Variants in PARD3B observed in about 807,000 individuals in gnomAD.
The protein encoded by PARD3B is par-3 family cell polarity regulator beta.
In PARD3B, 103 loss-of-function variants were observed where a neutral mutation model predicts 130.2. The observed-to-expected ratio is 0.79, with a 90% CI of 0.67 to 0.93. The LOEUF is 0.93. Among genes scored for constraint, PARD3B ranks in the 40% least tolerant of loss-of-function variants. PARD3B has a pLI of 0.00. For synonymous variants in PARD3B, 583 were observed against 553.2 expected (o/e 1.05, Z -0.76); for missense variants, 1,609 against 1,499.2 (o/e 1.07, Z -1.21).
At chr2:205,327,072 T>G (rs1467210264) in intron 18 of PARD3B, among the ~76,000 whole-genome samples, 1 of 152,232 alleles carries the variant, frequency 6.6e-6, no homozygotes, top group Non-Finnish European at 1.5e-5. Context: ...TCACTGTATG[T>G]GTTCTTAGGG....
intron 2 of PARD3B, among the ~76,000 whole-genome samples, chr2:204,866,920 T>G (rs1575167790): frequency 6.6e-6 from 1 of 151,886 alleles, no homozygotes; most frequent in East Asian, 1.9e-4. Flanking sequence ...AATACAAAAA[T>G]TAGCTGAGCA....
chr2:204,965,252 T>C lies in PARD3B; in HGVS notation c.323T>C (p.Val108Ala). The C allele has an allele frequency of 6.2e-7, 1 of 1,613,852 alleles. No homozygotes were observed. The highest frequency in any genetic ancestry group is 8.5e-7 in the Non-Finnish European group (1 of 1,179,894). ...RQSPDAFETE[V>A]AAQLAAFKPI... The stretch of plus-strand genomic sequence containing the variant: ...AGCCCAGATGCTTTTGAGACAGAAG[T>C]GGCCGCCCAACTGGCCGCATTTAAG... Residue 108 changes from valine (V) to alanine (A), a missense_variant, in exon 3 of 23, where the codon GTG (valine) becomes GCG (alanine). Val to Ala is a moderately conservative substitution (Grantham distance 64). Transcript: ENST00000406610.
intron 2 of PARD3B, among the ~76,000 whole-genome samples, chr2:204,869,483 A>G (rs1176840014): frequency 6.6e-6 from 1 of 152,076 alleles, no homozygotes; most frequent in African/African-American, 2.4e-5. Context: ...ACCACTGACA[A>G]TTTCTGGGTT....
At chr2:204,832,359 G>C (rs2043859594) in intron 2 of PARD3B, among the ~76,000 whole-genome samples, 1 of 151,866 alleles carries the variant, frequency 6.6e-6, no homozygotes, top group South Asian at 2.1e-4. Context: ...TGCTATAGTA[G>C]TTGATTTTTT....
chr2:205,151,521 C>G (rs1443948149), intron 10 of PARD3B, among the ~76,000 whole-genome samples: 1 of 152,148 alleles, frequency 6.6e-6, no homozygotes, highest in South Asian at 2.1e-4. Context: ...ATGTAATGAC[C>G]TTCTTTGTCT....
chr2:204,579,695 CTT>C (rs962986695), intron 1 of PARD3B, among the ~76,000 whole-genome samples: 1 of 152,194 alleles, frequency 6.6e-6, no homozygotes, highest in Non-Finnish European at 1.5e-5. Context: ...AATCTGGAAT[CTT>C]TGGCTTTTCA....
rs1187041691 is a variant in PARD3B at position 205,618,225 on chromosome 2, T to C, written c.*2412T>C. On this transcript the variant is annotated 3_prime_UTR_variant, in exon 23 of 23. Coordinates refer to ENST00000406610, the MANE Select transcript of PARD3B (RefSeq NM_001302769.2). Reference sequence around the variant, plus strand: ...CAGTTTTCTTTCCTTGCTTGAAGTATAACACACGCTCCATTTGATCCTGCC... The same window carrying C: ...CAGTTTTCTTTCCTTGCTTGAAGTACAACACACGCTCCATTTGATCCTGCC... 6.6e-6 allele frequency: 1 copy of C among 152,238 alleles called. No homozygotes were observed. Among genetic ancestry groups the C allele is most frequent in the East Asian group, 1.9e-4 (1 of 5,206 alleles). 9.4% of individuals were successfully genotyped at this position (152,238 alleles called of 1,614,324 possible). A position where few individuals can be genotyped will look rare whatever the true frequency, so the allele number is the denominator to read the frequency against.
chr2:205,225,835 A>G (rs1249136866), intron 15 of PARD3B, among the ~76,000 whole-genome samples: 7 of 152,182 alleles, frequency 4.6e-5, no homozygotes, highest in Non-Finnish European at 1.0e-4. Context: ...ATTACCTCCC[A>G]CCAGGTCCTT....
chr2:205,106,327 A>G (rs942560518), intron 5 of PARD3B, among the ~76,000 whole-genome samples: 8 of 151,690 alleles, frequency 5.3e-5, no homozygotes, highest in Non-Finnish European at 8.8e-5. Flanking sequence ...TTTTGTATTT[A>G]TAGCAGAGAC....
chr2:204,972,641 A>G (rs1282048000), intron 3 of PARD3B, among the ~76,000 whole-genome samples: 1 of 152,190 alleles, frequency 6.6e-6, no homozygotes, highest in Non-Finnish European at 1.5e-5. Flanking sequence ...CCAAAAATAT[A>G]AGACAGTACA....
chr2:204,668,533 C>T lies in PARD3B; in HGVS notation c.121-17648C>T, dbSNP rs77065701. ...CTTCTAAATTAACACTAAAAGTTTC[C>T]GAAGATATGTTTTTTAGTTACGTCA... is the stretch of plus-strand genomic sequence containing the variant. On this transcript the variant is annotated intron_variant, in intron 1 of 22. Coordinates refer to ENST00000406610, the MANE Select transcript of PARD3B (RefSeq NM_001302769.2). Among the ~76,000 whole-genome samples the T allele has an allele frequency of 1.1e-4, 17 of 152,206 alleles. No individual in the cohort carries two copies. In the East Asian group the frequency reaches 3.1e-3, roughly 28 times the overall value.
At chr2:205,384,667 A>T (rs1240548252) in intron 18 of PARD3B, among the ~76,000 whole-genome samples, 2 of 152,166 alleles carry the variant, frequency 1.3e-5, no homozygotes, top group African/African-American at 4.8e-5. Context: ...TCTTAATTGC[A>T]TTAACGCAGG....
chr2:205,337,111 A>C (rs934823636), intron 18 of PARD3B, among the ~76,000 whole-genome samples: 3 of 152,202 alleles, frequency 2.0e-5, no homozygotes, highest in African/African-American at 7.2e-5. Flanking sequence ...TAATTAGATA[A>C]CCTGTATAGA....
chr2:205,113,092 A>C (rs956813688), intron 5 of PARD3B, among the ~76,000 whole-genome samples: 1 of 152,160 alleles, frequency 6.6e-6, no homozygotes, highest in African/African-American at 2.4e-5. Flanking sequence ...CTTTATGCTG[A>C]AGCATCGATG....
intron 2 of PARD3B, among the ~76,000 whole-genome samples, chr2:204,963,235 T>C (rs1411248658): frequency 1.3e-5 from 2 of 152,158 alleles, no homozygotes; most frequent in East Asian, 3.8e-4. Flanking sequence ...ATATTCTTAC[T>C]GCATACACTG....
At chr2:205,378,225 A>G (rs1014253744) in intron 18 of PARD3B, among the ~76,000 whole-genome samples, 4 of 152,318 alleles carry the variant, frequency 2.6e-5, no homozygotes, top group Non-Finnish European at 5.9e-5. Flanking sequence ...CTTAAAATGC[A>G]AAAGCCAGGA....
At chr2:204,755,257 A>G (rs892160623) in intron 2 of PARD3B, among the ~76,000 whole-genome samples, 1 of 152,108 alleles carries the variant, frequency 6.6e-6, no homozygotes, top group African/African-American at 2.4e-5. Context: ...AGTGAACACT[A>G]GTGTTCAGAT....
At chr2:205,193,751 T>G (rs2036523501) in intron 15 of PARD3B, among the ~76,000 whole-genome samples, 1 of 152,214 alleles carries the variant, frequency 6.6e-6, no homozygotes, top group Admixed American at 6.5e-5. Context: ...CTTCACTTCC[T>G]TCTATTCTTC....
chr2:204,634,259 C>T (rs75367285), intron 1 of PARD3B, among the ~76,000 whole-genome samples: 3,206 of 152,236 alleles, frequency 0.021, 124 homozygotes, highest in East Asian at 0.13. Flanking sequence ...CTTCCTGTGG[C>T]TGGCCTATTT....
Sources: gnomAD v4.1 joint callset for allele counts (sites outside exome capture counted in the v4.1 genomes callset) on GRCh38, gnomAD v4.1.1 for gene constraint, MANE v1.5 for transcripts, NCBI Gene and HGNC (gene_info 2026-07-23, HGNC 2026-07-21) for gene names.